PAK1: variants seen among roughly 807,000 people sequenced by gnomAD.
PAK1 encodes the protein serine/threonine-protein kinase PAK 1.
In PAK1, 29 loss-of-function variants were observed where a neutral mutation model predicts 67.4. That is an observed-to-expected ratio of 0.43 (90% CI 0.32 to 0.59). The LOEUF is 0.59. Among genes scored for constraint, PAK1 ranks in the 20% least tolerant of loss-of-function variants. The pLI is 0.07. For synonymous variants in PAK1, 223 were observed against 237.4 expected (o/e 0.94, Z 0.56); for missense variants, 337 against 670.7 (o/e 0.50, Z 5.50).
At chr11:77,511,300 A>G in the PAK1 span, among the ~76,000 whole-genome samples, 1 of 152,118 alleles carries the variant, frequency 6.6e-6, no homozygotes, top group Non-Finnish European at 1.5e-5. Flanking sequence ...CAGCATACAC[A>G]CCTCCACAAT....
At chr11:77,335,712 A>G (rs530806381) in intron 13 of PAK1, among the ~76,000 whole-genome samples, 1 of 152,326 alleles carries the variant, frequency 6.6e-6, no homozygotes, top group Non-Finnish European at 1.5e-5. Context: ...AACTCTGCAG[A>G]ATAAAATAAC....
chr11:77,463,525 A>C (rs1275712844), intron 1 of PAK1, among the ~76,000 whole-genome samples: 1 of 152,226 alleles, frequency 6.6e-6, no homozygotes, highest in Non-Finnish European at 1.5e-5. Flanking sequence ...GACCACTTGG[A>C]AACTTGTATT....
chr11:77,508,021 G>T, the PAK1 span, among the ~76,000 whole-genome samples: 1 of 152,068 alleles, frequency 6.6e-6, no homozygotes, highest in African/African-American at 2.4e-5. Context: ...ACCGGGATAA[G>T]CATTCTTCTG....
intron 1 of PAK1, among the ~76,000 whole-genome samples, chr11:77,397,615 G>C (rs755454673): frequency 6.6e-6 from 1 of 152,248 alleles, no homozygotes; most frequent in African/African-American, 2.4e-5. Context: ...AGTAGCCACT[G>C]TGTGTAAGGT....
At chr11:77,346,176 G>A (rs992930029) in intron 9 of PAK1, among the ~76,000 whole-genome samples, 1 of 152,042 alleles carries the variant, frequency 6.6e-6, no homozygotes, top group Non-Finnish European at 1.5e-5. Context: ...GTTTCACCAC[G>A]TTGGCCAGGC....
At chr11:77,470,673 A>G (rs1957809719) in intron 1 of PAK1, among the ~76,000 whole-genome samples, 1 of 152,222 alleles carries the variant, frequency 6.6e-6, no homozygotes, top group Non-Finnish European at 1.5e-5. Flanking sequence ...GGCCCTATAT[A>G]GCTTTAAGTA....
At chr11:77,356,147 C>T (rs1946009466) in intron 6 of PAK1, 1 of 218,180 alleles carries the variant, frequency 4.6e-6, no homozygotes, top group Non-Finnish European at 9.0e-6. Flanking sequence ...TCCCCTTCAT[C>T]TGTAATATTT....
At chr11:77,402,266 GA>G (rs1213486772) in intron 1 of PAK1, among the ~76,000 whole-genome samples, 1 of 152,182 alleles carries the variant, frequency 6.6e-6, no homozygotes, top group Non-Finnish European at 1.5e-5. Context: ...GCAGCAAAGT[GA>G]AGTGGAAACG....
the PAK1 span, among the ~76,000 whole-genome samples, chr11:77,507,125 C>CA: frequency 2.0e-5 from 3 of 152,300 alleles, 1 homozygote; most frequent in South Asian, 6.2e-4. Context: ...ACTGGAGCTA[C>CA]ACAGCTGGTC....
chr11:77,495,161 CAA>C, the PAK1 span, among the ~76,000 whole-genome samples: 1 of 135,738 alleles, frequency 7.4e-6, no homozygotes. Context: ...GACTCTGTCT[CAA>C]AAAAAAAAAA....
At chr11:77,506,284 C>T in the PAK1 span, among the ~76,000 whole-genome samples, 2 of 152,250 alleles carry the variant, frequency 1.3e-5, no homozygotes, top group East Asian at 3.9e-4. Flanking sequence ...AATTTAACCC[C>T]ACAACGACAT....
chr11:77,467,607 C>G (rs1406194359), intron 1 of PAK1, among the ~76,000 whole-genome samples: 1 of 152,170 alleles, frequency 6.6e-6, no homozygotes, highest in African/African-American at 2.4e-5. Context: ...AATAGAGATG[C>G]CAAGGCAACT....
At chr11:77,330,464 C>T (rs1289207109) in intron 14 of PAK1, among the ~76,000 whole-genome samples, 1 of 152,048 alleles carries the variant, frequency 6.6e-6, no homozygotes, top group Non-Finnish European at 1.5e-5. Flanking sequence ...AGAACAGAGC[C>T]CTCAGAAATA....
At chr11:77,477,190 A>G (rs867381629), upstream of PAK1, among the ~76,000 whole-genome samples, 1 of 152,188 alleles carries the variant, frequency 6.6e-6, no homozygotes, top group African/African-American at 2.4e-5. Flanking sequence ...GGAATAAATA[A>G]GTAGGATAAG....
chr11:77,461,878 G>C (rs186005024), intron 1 of PAK1, among the ~76,000 whole-genome samples: 1 of 152,096 alleles, frequency 6.6e-6, no homozygotes, highest in African/African-American at 2.4e-5. Context: ...CATTGCCTTC[G>C]ATAATACTAA....
chr11:77,521,284 C>A, the PAK1 span, among the ~76,000 whole-genome samples: 1 of 151,946 alleles, frequency 6.6e-6, no homozygotes, highest in South Asian at 2.1e-4. Context: ...AATCCCAGCA[C>A]TTTGGGAAGC....
At chr11:77,468,377 C>A (rs887502053) in intron 1 of PAK1, among the ~76,000 whole-genome samples, 1 of 152,118 alleles carries the variant, frequency 6.6e-6, no homozygotes, top group African/African-American at 2.4e-5. Context: ...AAGGGATAAT[C>A]CGGAGAAGCC....
At chr11:77,327,478 T>A (rs1385184690) in intron 14 of PAK1, among the ~76,000 whole-genome samples, 3 of 152,160 alleles carry the variant, frequency 2.0e-5, no homozygotes, top group Non-Finnish European at 4.4e-5. Flanking sequence ...GGGGCCAATA[T>A]TCAACATTCT....
At chr11:77,408,870 G>A (rs1242541904) in intron 1 of PAK1, among the ~76,000 whole-genome samples, 3 of 151,964 alleles carry the variant, frequency 2.0e-5, no homozygotes, top group Non-Finnish European at 4.4e-5. Flanking sequence ...ATAACCAACA[G>A]GTACATGAAA....
Sources: gnomAD v4.1 joint callset for allele counts (sites outside exome capture counted in the v4.1 genomes callset) on GRCh38, gnomAD v4.1.1 for gene constraint, MANE v1.5 for transcripts, NCBI Gene and HGNC (gene_info 2026-07-23, HGNC 2026-07-21) for gene names.